GALNS: variants seen among roughly 807,000 people sequenced by gnomAD.
GALNS encodes galactosamine (N-acetyl)-6-sulfatase, also known as N-acetylgalactosamine-6-sulfatase.
A neutral mutation model predicts 65.9 loss-of-function variants in GALNS; 65 were observed. The observed-to-expected ratio is 0.99, with a 90% CI of 0.81 to 1.21. The LOEUF is 1.21. GALNS is among the 50% of genes most tolerant of loss of function. The pLI is 0.00. For missense variants in GALNS, 776 were observed against 700.7 expected (o/e 1.11, Z -1.21); for synonymous variants, 346 against 288.9 (o/e 1.20, Z -2.00).
intron 1 of GALNS, among the ~76,000 whole-genome samples, chr16:88,849,916 C>T (rs1967428060): frequency 1.3e-5 from 2 of 152,236 alleles, no homozygotes; most frequent in Non-Finnish European, 2.9e-5. Context: ...GGCACCTAGT[C>T]ACAGTGGGCG....
intron 1 of GALNS, among the ~76,000 whole-genome samples, chr16:88,852,047 T>A (rs980587054): frequency 1.3e-5 from 2 of 152,170 alleles, no homozygotes; most frequent in East Asian, 3.9e-4. Context: ...AACGGACACA[T>A]TGCCTCCTCA....
chr16:88,814,252 A>T lies in GALNS; in HGVS notation c.*187T>A. The T allele has an allele frequency of 1.3e-6, 1 of 764,888 alleles. No homozygotes were observed. Among genetic ancestry groups the T allele is most frequent in the African/African-American group, 1.7e-5 (1 of 57,882 alleles). 47.4% of individuals were successfully genotyped at this position (764,888 alleles called of 1,614,324 possible). On this transcript the variant is annotated 3_prime_UTR_variant, in exon 14 of 14. Transcript: ENST00000268695. Reference sequence around the variant, plus strand: ...GAAATCTGAGGCGCCGTGGGCGAGGAGGAGGGCCAAGCACACGCCAGGGTC... The same window carrying T: ...GAAATCTGAGGCGCCGTGGGCGAGGTGGAGGGCCAAGCACACGCCAGGGTC...
chr16:88,856,533 G>C (rs1194161676), intron 1 of GALNS: 1 of 696,602 alleles, frequency 1.4e-6, no homozygotes. Flanking sequence ...CCCACGCCTG[G>C]ACCCCGCGGC....
intron 9 of GALNS, among the ~76,000 whole-genome samples, chr16:88,827,635 G>A (rs981535570): frequency 2.0e-5 from 3 of 152,256 alleles, no homozygotes; most frequent in South Asian, 2.1e-4. Context: ...TAGTAGAGAC[G>A]GGGTTTCTCC....
chr16:88,829,480 G>A (rs1911265815), intron 9 of GALNS, among the ~76,000 whole-genome samples: 1 of 152,248 alleles, frequency 6.6e-6, no homozygotes, highest in African/African-American at 2.4e-5. Flanking sequence ...TCCACCTTCA[G>A]GGTCCTGGGA....
chr16:88,855,300 C>T lies in GALNS; in HGVS notation c.120+1458G>A, dbSNP rs1967752412. The T allele has an allele frequency of 3.9e-5, 27 of 699,866 alleles. 1 individual carries two copies. The South Asian group carries it at 4.0e-4, about 10-fold the overall frequency. 43.4% of individuals were successfully genotyped at this position (699,866 alleles called of 1,614,324 possible). Reference sequence around the variant, plus strand: ...GCTTCACCTGCAGAGCCCAGCTCATCCAGCGAAGCTATGCTGGCCCAGAAG... The same window carrying T: ...GCTTCACCTGCAGAGCCCAGCTCATTCAGCGAAGCTATGCTGGCCCAGAAG... On this transcript the variant is annotated intron_variant, in intron 1 of 13. Coordinates refer to ENST00000268695, the MANE Select transcript of GALNS (RefSeq NM_000512.5).
At chr16:88,826,964 A>G (rs778497234) in intron 9 of GALNS, 126 bp from the exon 10 acceptor site, 42 of 1,157,416 alleles carry the variant, frequency 3.6e-5, no homozygotes, top group Non-Finnish European at 5.2e-5. Flanking sequence ...ACATGCTCAC[A>G]CGCCCACAGC....
At chr16:88,854,739 G>A (rs942625726) in intron 1 of GALNS, among the ~76,000 whole-genome samples, 13 of 152,264 alleles carry the variant, frequency 8.5e-5, no homozygotes, top group South Asian at 6.2e-4. Context: ...GCAGAGCCAC[G>A]AAAGGGGAAA....
intron 9 of GALNS, among the ~76,000 whole-genome samples, chr16:88,830,353 G>A (rs12325267): frequency 0.086 from 13,016 of 152,002 alleles, 1,894 homozygotes; most frequent in African/African-American, 0.3. Context: ...CTAGGATTGG[G>A]AAAAGGCAGG....
rs117215304 is a variant in GALNS at position 88,837,926 on chromosome 16, G to A, written c.423-161C>T. The stretch of plus-strand genomic sequence containing the variant: ...GGCACGGCAGGGACAAAAGACCAAG[G>A]CCTCACCCGAGGAGGGTGCTGGCAC... On this transcript the variant is annotated intron_variant, in intron 4 of 13. Coordinates refer to ENST00000268695, the MANE Select transcript of GALNS (RefSeq NM_000512.5). 13,948 of 703,814 alleles carry A rather than the reference G, an allele frequency of 0.02. 167 individuals carry two copies. Among genetic ancestry groups the A allele is most frequent in the Non-Finnish European group, 0.022 (9,217 of 412,086 alleles). 43.6% of individuals were successfully genotyped at this position (703,814 alleles called of 1,614,324 possible).
Position 88,826,843 on chromosome 16 carries a change from A to C in GALNS, c.1003-5T>G. ...GCTGCCCAGCTGGTGGCTCACCTGA[A>C]ACACATGGCAGCAACACGGTCAGGG... On this transcript the variant is annotated splice_polypyrimidine_tract_variant and splice_region_variant and intron_variant, in intron 9 of 13. Coordinates refer to ENST00000268695, the MANE Select transcript of GALNS (RefSeq NM_000512.5). 1 of 1,571,962 alleles carries C rather than the reference A, an allele frequency of 6.4e-7. No homozygotes were observed. Among genetic ancestry groups the C allele is most frequent in the African/African-American group, 1.4e-5 (1 of 73,964 alleles).
intron 2 of GALNS, 164 bp from the exon 3 acceptor site, chr16:88,842,135 C>G: frequency 1.4e-6 from 1 of 717,526 alleles, no homozygotes; most frequent in Non-Finnish European, 2.5e-6. Flanking sequence ...TCTCCACCAC[C>G]TGGGTGGGGC....
chr16:88,843,470 T>C (rs1201021124), intron 1 of GALNS: 1 of 341,312 alleles, frequency 2.9e-6, no homozygotes, highest in Non-Finnish European at 5.8e-6. Flanking sequence ...CGGCGTGTAC[T>C]ACGTGGGTGT....
rs1171553657 is a variant in GALNS at position 88,813,979 on chromosome 16, G to C, written c.*460C>G. ...TGGGCCAGACTCAATCGTGTATTCAGTGGAAGGCTGACTGAACCAATGTAC... is the reference window on the plus strand; with the variant it reads ...TGGGCCAGACTCAATCGTGTATTCACTGGAAGGCTGACTGAACCAATGTAC... On this transcript the variant is annotated 3_prime_UTR_variant, in exon 14 of 14. Coordinates refer to ENST00000268695, the MANE Select transcript of GALNS (RefSeq NM_000512.5). The C allele has an allele frequency of 4.0e-6, 1 of 252,124 alleles. No homozygotes were observed. The highest frequency in any genetic ancestry group is 2.2e-5 in the African/African-American group (1 of 45,328). 15.6% of individuals were successfully genotyped at this position (252,124 alleles called of 1,614,324 possible).
intron 6 of GALNS, 145 bp downstream of exon 6, chr16:88,836,056 G>A: frequency 9.0e-7 from 1 of 1,111,852 alleles, no homozygotes; most frequent in South Asian, 1.3e-5. Context: ...CGTCCCACGG[G>A]GCGAGGGTGA....
intron 5 of GALNS, among the ~76,000 whole-genome samples, 153 bp downstream of exon 5, chr16:88,837,469 G>A (rs1167586657): frequency 6.6e-6 from 1 of 152,210 alleles, no homozygotes; most frequent in Non-Finnish European, 1.5e-5. Context: ...TGGGACAGAA[G>A]CCACCAAACC....
chr16:88,817,887 C>T, intron 13 of GALNS, 120 bp downstream of exon 13: 1 of 890,100 alleles, frequency 1.1e-6, no homozygotes, highest in Non-Finnish European at 1.8e-6. Context: ...GGCCTCACCA[C>T]TGACGGAGGC....
chr16:88,819,180 C>A (rs8046559), intron 12 of GALNS, among the ~76,000 whole-genome samples: 5,771 of 147,136 alleles, frequency 0.039, 345 homozygotes, highest in African/African-American at 0.13. Flanking sequence ...CGGGGATGCG[C>A]CCCCCTCCCC....
In GALNS at chr16:88,835,743, C is replaced by T. The variant is rs761385192; in HGVS notation, c.740G>A (p.Gly247Asp). ...APVYASKPFLGTSQRGRYGDA... is the reference protein window; with the variant it reads ...APVYASKPFLDTSQRGRYGDA... ...GACTCACCGCCCTCGCTGACTGGTG[C>T]CCAAGAAGGGTTTGGAGGCATAGAC... is the stretch of plus-strand genomic sequence containing the variant. The change falls in exon 7 of 14, where the codon GGC becomes GAC. Residue 247 changes from glycine (G) to aspartate (D), a missense_variant. Transcript: ENST00000268695. The T allele has an allele frequency of 4.0e-5, 64 of 1,613,984 alleles. No individual in the cohort carries two copies. The highest frequency in any genetic ancestry group is 1.6e-4 in the Middle Eastern group (1 of 6,084).
Sources: gnomAD v4.1 joint callset for allele counts (sites outside exome capture counted in the v4.1 genomes callset) on GRCh38, gnomAD v4.1.1 for gene constraint, MANE v1.5 for transcripts, NCBI Gene and HGNC (gene_info 2026-07-23, HGNC 2026-07-21) for gene names.